ZNF808: variants seen among roughly 807,000 people sequenced by gnomAD.
The protein encoded by ZNF808 is zinc finger protein 808.
In ZNF808, 5 loss-of-function variants were observed where a neutral mutation model predicts 8.7. That is an observed-to-expected ratio of 0.58 (90% confidence interval 0.30 to 1.21). The LOEUF is 1.21. Ranked by LOEUF, ZNF808 falls within the 50% of genes most tolerant of loss-of-function variation. The pLI is 0.07. For synonymous variants in ZNF808, 380 were observed against 366.0 expected (o/e 1.04, Z -0.44); for missense variants, 1,103 against 1,098.4 (o/e 1.00, Z -0.06).
chr19:52,531,973 G>A (rs763249254), intron 1 of ZNF808, among the ~76,000 whole-genome samples: 2 of 152,212 alleles, frequency 1.3e-5, no homozygotes, highest in Admixed American at 6.5e-5. Context: ...CTGGTGGTAA[G>A]TAGAAGTTGT....
At position 52,549,034 on chromosome 19, in the gene ZNF808, G is replaced by A. The variant is rs115572378; in HGVS notation, c.190+1396G>A. Among the ~76,000 whole-genome samples, 925 of 152,130 alleles carry A rather than the reference G, an allele frequency of 6.1e-3. 8 individuals carry two copies. Among genetic ancestry groups the A allele is most frequent in the African/African-American group, 0.02 (821 of 41,492 alleles). The stretch of plus-strand genomic sequence containing the variant: ...GTCACCCAGGCTCAAGTGCAGTGCA[G>A]TGGTGTAATCTCAGCTCACTGTAAC... On this transcript the variant is annotated intron_variant, in intron 4 of 4. Coordinates refer to ENST00000359798, the MANE Select transcript of ZNF808 (RefSeq NM_001039886.4).
rs1186085202 is a variant in ZNF808 at position 52,556,323 on chromosome 19, A to G, written c.*695A>G. ...CCTGTTTTTTGTTTCTTATTTTCTT[A>G]TTTATTTATTTATTTATTTTGAGAT... On this transcript the variant is annotated 3_prime_UTR_variant, in exon 5 of 5. Transcript: ENST00000359798. 1.2e-5 allele frequency: 2 copies of G among 163,330 alleles called. No homozygotes were observed. The highest frequency in any genetic ancestry group is 2.7e-5 in the Non-Finnish European group (2 of 75,454). The allele number at this position is 163,330 out of a possible 1,614,324, so 10.1% of individuals were successfully genotyped here. A position where few individuals can be genotyped will look rare whatever the true frequency, so the allele number is the denominator to read the frequency against.
intron 2 of ZNF808, among the ~76,000 whole-genome samples, chr19:52,540,376 G>C (rs1366266174): frequency 1.3e-5 from 2 of 152,074 alleles, no homozygotes; most frequent in African/African-American, 4.8e-5. Context: ...CATTAGATCT[G>C]TATTTTTTAA....
chr19:52,554,958 G>A lies in ZNF808; in HGVS notation c.2042G>A (p.Cys681Tyr), dbSNP rs781100207. ...RLHGGEKSYK[C>Y]KVCDKAFVCR... Reference sequence around the variant, plus strand: ...CATGGTGGAGAGAAATCTTACAAATGTAAGGTTTGTGACAAGGCTTTCGTG... The same window carrying A: ...CATGGTGGAGAGAAATCTTACAAATATAAGGTTTGTGACAAGGCTTTCGTG... The change falls in exon 5 of 5, where the codon TGT becomes TAT. Residue 681 changes from cysteine (C) to tyrosine (Y), a missense_variant. Coordinates refer to ENST00000359798, the MANE Select transcript of ZNF808 (RefSeq NM_001039886.4). 6 of 1,614,200 alleles carry A rather than the reference G, an allele frequency of 3.7e-6. No homozygotes were observed. Among genetic ancestry groups the A allele is most frequent in the Non-Finnish European group, 5.1e-6 (6 of 1,180,022 alleles).
chr19:52,554,431 T>C lies in ZNF808; in HGVS notation c.1515T>C (p.His505=). 1.9e-6 allele frequency: 3 copies of C among 1,614,112 alleles called. No individual in the cohort carries two copies. The highest frequency in any genetic ancestry group is 2.5e-6 in the Non-Finnish European group (3 of 1,180,012). ...CCCTTCTATGCCATCGTAGACTTCA[T>C]AGTGGTGAAAAACCTTACAAGTGTA... ...RSSLLCHRRL[H]SGEKPYKCNQ... Residue 505 remains histidine, a synonymous_variant, in exon 5 of 5, where the codon CAT becomes CAC. Coordinates refer to ENST00000359798, the MANE Select transcript of ZNF808 (RefSeq NM_001039886.4).
intron 2 of ZNF808, among the ~76,000 whole-genome samples, chr19:52,541,026 A>T (rs2059664769): frequency 1.3e-5 from 2 of 152,140 alleles, no homozygotes; most frequent in Non-Finnish European, 1.5e-5. Context: ...ATCTCAGCTC[A>T]CTGCAACCTC....
downstream of ZNF808, among the ~76,000 whole-genome samples, chr19:52,557,968 C>G (rs1012914436): frequency 2.8e-5 from 4 of 142,764 alleles, no homozygotes; most frequent in African/African-American, 7.8e-5. Flanking sequence ...GCCCGAGTGA[C>G]TCTGACCCCT....
chr19:52,536,100 T>G (rs553855877), intron 2 of ZNF808: 1 of 153,396 alleles, frequency 6.5e-6, no homozygotes, highest in Non-Finnish European at 1.5e-5. Context: ...CCCTGGCGCG[T>G]CTGTCCCTGG....
downstream of ZNF808, among the ~76,000 whole-genome samples, chr19:52,564,789 TA>T (rs2059868715): frequency 6.6e-6 from 1 of 152,058 alleles, no homozygotes; most frequent in Non-Finnish European, 1.5e-5. Flanking sequence ...CTGTCTGTAT[TA>T]AAAATACAAA....
chr19:52,533,898 C>G (rs181234714), intron 2 of ZNF808, among the ~76,000 whole-genome samples: 1 of 144,700 alleles, frequency 6.9e-6, no homozygotes, highest in Non-Finnish European at 1.5e-5. Flanking sequence ...GTACCTGTGT[C>G]TCAGTAGGAA....
chr19:52,548,778 T>C (rs148020111), intron 4 of ZNF808, among the ~76,000 whole-genome samples: 2,949 of 151,856 alleles, frequency 0.019, 52 homozygotes, highest in Middle Eastern at 0.041. Context: ...GTATACCACA[T>C]TTTCCTCACA....
chr19:52,559,245 A>G (rs557776008), downstream of ZNF808, among the ~76,000 whole-genome samples: 1 of 152,204 alleles, frequency 6.6e-6, no homozygotes, highest in Non-Finnish European at 1.5e-5. Context: ...TGTATATTCC[A>G]TCTACTGAGA....
intron 3 of ZNF808, among the ~76,000 whole-genome samples, chr19:52,543,655 G>C (rs1225433901): frequency 6.6e-6 from 1 of 152,212 alleles, no homozygotes; most frequent in Non-Finnish European, 1.5e-5. Context: ...GAGCTGCTGG[G>C]CAGCCTGGAT....
intron 3 of ZNF808, among the ~76,000 whole-genome samples, chr19:52,544,740 C>G (rs2059704936): frequency 1.3e-5 from 2 of 152,092 alleles, no homozygotes; most frequent in African/African-American, 4.8e-5. Flanking sequence ...CCCTCTTGGT[C>G]TCCCAAATTG....
intron 4 of ZNF808, among the ~76,000 whole-genome samples, chr19:52,550,455 C>G (rs1265862782): frequency 2.0e-5 from 3 of 151,984 alleles, no homozygotes; most frequent in African/African-American, 7.2e-5. Context: ...GTCTCAAACT[C>G]CTGACCTCAA....
At chr19:52,538,006 TTTTAA>T (rs1296033639) in intron 2 of ZNF808, among the ~76,000 whole-genome samples, 1 of 131,810 alleles carries the variant, frequency 7.6e-6, no homozygotes, top group Non-Finnish European at 1.6e-5. Context: ...TACATAATAC[TTTTAA>T]TTAATTAATT....
chr19:52,547,739 G>GGTTTTT lies in ZNF808; in HGVS notation c.190+101_190+102insGTTTTT, dbSNP rs1491196956. The stretch of plus-strand genomic sequence containing the variant: ...TTGTGATTTTGCCCCATCCATGCTG[G>GGTTTTT]TTTTTTTTTTTTTTTTTTTTGACAT... On this transcript the variant is annotated intron_variant, in intron 4 of 4. Transcript: ENST00000359798. 7 of 1,012,038 alleles carry GGTTTTT rather than the reference G, an allele frequency of 6.9e-6. 1 individual carries two copies. Among genetic ancestry groups the GGTTTTT allele is most frequent in the Non-Finnish European group, 7.7e-6 (6 of 778,002 alleles). 62.7% of individuals were successfully genotyped at this position (1,012,038 alleles called of 1,614,324 possible). A position where few individuals can be genotyped will look rare whatever the true frequency, so the allele number is the denominator to read the frequency against.
intron 3 of ZNF808, among the ~76,000 whole-genome samples, chr19:52,544,675 A>G (rs2059704223): frequency 6.6e-6 from 1 of 152,110 alleles, no homozygotes; most frequent in Non-Finnish European, 1.5e-5. Flanking sequence ...GCTGGAGTGC[A>G]GTGGTGCAAT....
intron 1 of ZNF808, among the ~76,000 whole-genome samples, chr19:52,528,593 A>G (rs1053494672): frequency 1.3e-5 from 2 of 152,126 alleles, no homozygotes; most frequent in Admixed American, 6.6e-5. Flanking sequence ...AAGGACGGCA[A>G]GGTAGGGAGA....
Sources: gnomAD v4.1 joint callset for allele counts (sites outside exome capture counted in the v4.1 genomes callset) on GRCh38, gnomAD v4.1.1 for gene constraint, MANE v1.5 for transcripts, NCBI Gene and HGNC (gene_info 2026-07-23, HGNC 2026-07-21) for gene names.